The following CEP85L variants were observed in gnomAD, a reference collection of about 807,000 sequenced individuals.
CEP85L encodes the protein centrosomal protein 85L, also known as centrosomal protein of 85 kDa-like.
CEP85L carries 60 observed loss-of-function variants against 100.3 expected under a neutral mutation model. That is an observed-to-expected ratio of 0.60 (90% CI 0.49 to 0.74). The LOEUF is 0.74. Among genes scored for constraint, CEP85L ranks in the 30% least tolerant of loss-of-function variants. The pLI, the probability that CEP85L is intolerant of heterozygous loss-of-function variation, is 0.00. For missense variants in CEP85L, 973 were observed against 936.2 expected (o/e 1.04, Z -0.51); for synonymous variants, 319 against 322.7 (o/e 0.99, Z 0.12).
intron 5 of CEP85L, among the ~76,000 whole-genome samples, chr6:118,499,727 T>G (rs1195770372): frequency 6.6e-6 from 1 of 151,868 alleles, no homozygotes; most frequent in East Asian, 1.9e-4. Context: ...TAGAGGAAGC[T>G]TCTTCAATTT....
At chr6:118,629,985 A>C (rs1239106921) in intron 2 of CEP85L, among the ~76,000 whole-genome samples, 1 of 152,226 alleles carries the variant, frequency 6.6e-6, no homozygotes, top group Non-Finnish European at 1.5e-5. Context: ...CAACTATTTT[A>C]GGCCACAAAG....
chr6:118,679,614 A>C (rs1187413846), intron 1 of CEP85L, among the ~76,000 whole-genome samples: 1 of 152,140 alleles, frequency 6.6e-6, no homozygotes, highest in Non-Finnish European at 1.5e-5. Flanking sequence ...TAAGGGTGTC[A>C]AAATCAAATG....
At chr6:118,493,908 G>C (rs1164667521) in intron 5 of CEP85L, among the ~76,000 whole-genome samples, 1 of 152,036 alleles carries the variant, frequency 6.6e-6, no homozygotes, top group Non-Finnish European at 1.5e-5. Flanking sequence ...ACTATAAAAA[G>C]CTAATACAGA....
At chr6:118,576,646 T>TG (rs1274599691) in intron 2 of CEP85L, among the ~76,000 whole-genome samples, 1 of 152,022 alleles carries the variant, frequency 6.6e-6, no homozygotes, top group Non-Finnish European at 1.5e-5. Context: ...GTCTTGCATA[T>TG]GGGGGGAATC....
rs986809809 is a variant in CEP85L at position 118,460,818 on chromosome 6, C to T, written c.*4587G>A. The T allele has an allele frequency of 6.6e-6, 1 of 152,074 alleles. No individual in the cohort carries two copies. Among genetic ancestry groups the T allele is most frequent in the South Asian group, 2.1e-4 (1 of 4,822 alleles). 9.4% of individuals were successfully genotyped at this position (152,074 alleles called of 1,614,324 possible). A position where few individuals can be genotyped will look rare whatever the true frequency, so the allele number is the denominator to read the frequency against. On this transcript the variant is annotated 3_prime_UTR_variant, in exon 13 of 13. Transcript: ENST00000368491. ...TCTCTGTAAATACAAATTCCAACAT[C>T]AACAAACAATAGTCCAGTGGAAAAA...
At chr6:118,530,835 A>G (rs1201580303) in intron 3 of CEP85L, among the ~76,000 whole-genome samples, 1 of 149,528 alleles carries the variant, frequency 6.7e-6, no homozygotes, top group Non-Finnish European at 1.5e-5. Context: ...ATTACAAAAC[A>G]CTGCTGAAAG....
intron 2 of CEP85L, 92 bp downstream of exon 2, chr6:118,632,361 A>C: frequency 2.1e-6 from 2 of 950,994 alleles, no homozygotes; most frequent in South Asian, 2.0e-5. Flanking sequence ...TATAATTTTC[A>C]GTATGAAACA....
intron 2 of CEP85L, among the ~76,000 whole-genome samples, chr6:118,580,558 C>T (rs914479527): frequency 6.6e-6 from 1 of 152,170 alleles, no homozygotes; most frequent in African/African-American, 2.4e-5. Flanking sequence ...TGGAGAACCC[C>T]CCAATACCCA....
At chr6:118,642,757 T>A (rs113655911) in intron 1 of CEP85L, among the ~76,000 whole-genome samples, 3 of 151,768 alleles carry the variant, frequency 2.0e-5, no homozygotes, top group Non-Finnish European at 2.9e-5. Flanking sequence ...CTACTAAAAA[T>A]ATATATATAT....
At chr6:118,478,678 T>A (rs961240028) in intron 10 of CEP85L, among the ~76,000 whole-genome samples, 1 of 152,178 alleles carries the variant, frequency 6.6e-6, no homozygotes. Context: ...AATAAAAGAT[T>A]TGTGTTTGCT....
intron 2 of CEP85L, among the ~76,000 whole-genome samples, chr6:118,595,103 CTA>C (rs1347728858): frequency 6.6e-6 from 1 of 152,114 alleles, no homozygotes; most frequent in East Asian, 1.9e-4. Context: ...CAAGATTATG[CTA>C]TGTACAACAA....
At chr6:118,470,494 G>A (rs1416904691) in intron 11 of CEP85L, 43 bp downstream of exon 11, 1 of 1,175,112 alleles carries the variant, frequency 8.5e-7, no homozygotes, top group East Asian at 2.6e-5. Context: ...GCATTTTATA[G>A]TGAATCATCC....
chr6:118,607,295 A>C (rs1181868482), intron 2 of CEP85L, among the ~76,000 whole-genome samples: 1 of 152,146 alleles, frequency 6.6e-6, no homozygotes, highest in African/African-American at 2.4e-5. Flanking sequence ...GTAGAGAAGG[A>C]AAGTATTGCC....
At chr6:118,639,304 A>C (rs1347202573) in intron 1 of CEP85L, among the ~76,000 whole-genome samples, 1 of 152,216 alleles carries the variant, frequency 6.6e-6, no homozygotes, top group East Asian at 1.9e-4. Context: ...ATCTTCTAGA[A>C]TCAAGCATGT....
At chr6:118,664,972 T>C (rs967519974) in intron 1 of CEP85L, among the ~76,000 whole-genome samples, 3 of 152,238 alleles carry the variant, frequency 2.0e-5, no homozygotes, top group Admixed American at 6.5e-5. Flanking sequence ...GGCATGAACA[T>C]GATTTTGAAG....
intron 2 of CEP85L, among the ~76,000 whole-genome samples, chr6:118,609,935 T>C (rs1327877814): frequency 6.6e-6 from 1 of 151,702 alleles, no homozygotes; most frequent in East Asian, 1.9e-4. Flanking sequence ...AGGGTGGCAG[T>C]AGAAATATCA....
intron 6 of CEP85L, among the ~76,000 whole-genome samples, chr6:118,485,050 T>C (rs533782420): frequency 6.6e-6 from 1 of 152,356 alleles, no homozygotes; most frequent in African/African-American, 2.4e-5. Context: ...CACATGATAA[T>C]GATTCTAGTA....
chr6:118,592,296 A>G (rs2115127215), intron 2 of CEP85L, among the ~76,000 whole-genome samples: 1 of 150,416 alleles, frequency 6.6e-6, no homozygotes, highest in East Asian at 2.0e-4. Flanking sequence ...TTGAAAAGCT[A>G]TATAACCCTG....
chr6:118,569,341 CAAAAAAAAAA>C (rs56123225), intron 2 of CEP85L, among the ~76,000 whole-genome samples: 27 of 68,216 alleles, frequency 4.0e-4, no homozygotes, highest in South Asian at 1.4e-3. Flanking sequence ...GACTCTGTCT[CAAAAAAAAAA>C]AAAAAAAAAA....
Sources: allele counts gnomAD v4.1 joint callset (sites outside exome capture counted in the v4.1 genomes callset), GRCh38; gene constraint gnomAD v4.1.1; transcripts MANE v1.5; gene names NCBI Gene and HGNC (gene_info 2026-07-23, HGNC 2026-07-21).